Variants in TRAPPC11 observed in about 807,000 individuals in gnomAD.
TRAPPC11 encodes the protein foie gras homolog.
A neutral mutation model predicts 151.2 loss-of-function variants in TRAPPC11; 104 were observed. That is an observed-to-expected ratio of 0.69 (90% CI 0.59 to 0.81). TRAPPC11 has a LOEUF of 0.81. Ranked by LOEUF, TRAPPC11 falls within the 30% of genes least tolerant of loss-of-function variation. The pLI, the probability that TRAPPC11 is intolerant of heterozygous loss-of-function variation, is 0.00. For missense variants in TRAPPC11, 1,230 were observed against 1,349.6 expected (o/e 0.91, Z 1.39); for synonymous variants, 456 against 472.3 (o/e 0.97, Z 0.45).
intron 1 of TRAPPC11, among the ~76,000 whole-genome samples, chr4:183,660,336 T>C (rs2111268998): frequency 6.6e-6 from 1 of 152,326 alleles, no homozygotes; most frequent in South Asian, 2.1e-4. Context: ...CTAGTCTGAA[T>C]TGAGATGTGC....
chr4:183,707,395 C>CA lies in TRAPPC11; in HGVS notation c.3189+456dup, dbSNP rs369446521. Among the ~76,000 whole-genome samples the CA allele has an allele frequency of 2.4e-3, 365 of 152,090 alleles. 1 individual carries two copies. Among genetic ancestry groups the CA allele is most frequent in the African/African-American group, 8.4e-3 (347 of 41,508 alleles). Reference sequence around the variant, plus strand: ...ACTTAACCTTTCGTGTGTTTAGATACATTTTGTTTCTATACTTTAAATTAT... The same window carrying CA: ...ACTTAACCTTTCGTGTGTTTAGATACAATTTTGTTTCTATACTTTAAATTAT... On this transcript the variant is annotated intron_variant, in intron 28 of 29. Transcript: ENST00000334690.
At chr4:183,661,372 T>C (rs1734509172) in intron 1 of TRAPPC11, among the ~76,000 whole-genome samples, 2 of 136,664 alleles carry the variant, frequency 1.5e-5, no homozygotes, top group Non-Finnish European at 1.6e-5. Context: ...TTTTTTTTTT[T>C]TTTTTTTTTT....
chr4:183,668,247 G>A, intron 5 of TRAPPC11, 130 bp downstream of exon 5: 1 of 510,412 alleles, frequency 2.0e-6, no homozygotes. Flanking sequence ...GAGGCTATGG[G>A]GTAAAAATAA....
chr4:183,712,848 A>G lies in TRAPPC11; in HGVS notation c.*204A>G, dbSNP rs1454425340. ...ATAGTTTCTCTAATAAATATCTGAA[A>G]TCTCAGTACGACATGAAAGAATGTC... On this transcript the variant is annotated 3_prime_UTR_variant, in exon 30 of 30. Coordinates refer to ENST00000334690, the MANE Select transcript of TRAPPC11 (RefSeq NM_021942.6). 4.1e-6 allele frequency: 2 copies of G among 488,262 alleles called. No homozygotes were observed. Among genetic ancestry groups the G allele is most frequent in the Non-Finnish European group, 7.2e-6 (2 of 277,268 alleles). The allele number at this position is 488,262 out of a possible 1,614,324, so 30.2% of individuals were successfully genotyped here. A position where few individuals can be genotyped will look rare whatever the true frequency, so the allele number is the denominator to read the frequency against.
Position 183,694,001 on chromosome 4 carries a change from C to T in TRAPPC11, c.2471C>T (p.Thr824Ile). 2 of 1,614,030 alleles carry T rather than the reference C, an allele frequency of 1.2e-6. No homozygotes were observed. The highest frequency in any genetic ancestry group is 1.7e-6 in the Non-Finnish European group (2 of 1,179,876). The change falls in exon 22 of 30, where the codon ACT becomes ATT. Residue 824 changes from threonine (T) to isoleucine (I), a missense_variant. By Grantham distance (89) the Thr-to-Ile change is moderately conservative (BLOSUM62 -1). Coordinates refer to ENST00000334690, the MANE Select transcript of TRAPPC11 (RefSeq NM_021942.6). ...GATGAATCCTACCCGGCTTTACTCACTGACATTCCTGTTGGAGACTTACAT... is the reference window on the plus strand; with the variant it reads ...GATGAATCCTACCCGGCTTTACTCATTGACATTCCTGTTGGAGACTTACAT... ...LCDESYPALL[T>I]DIPVGDLHPG...
intron 4 of TRAPPC11, 73 bp from the exon 5 acceptor site, chr4:183,667,930 T>G (rs1734963231): frequency 2.9e-6 from 3 of 1,044,110 alleles, no homozygotes; most frequent in Non-Finnish European, 3.0e-6. Flanking sequence ...TTTTCAGACT[T>G]GGGGAAATAT....
intron 1 of TRAPPC11, among the ~76,000 whole-genome samples, chr4:183,660,749 T>G (rs1734441783): frequency 6.6e-6 from 1 of 152,248 alleles, no homozygotes; most frequent in Non-Finnish European, 1.5e-5. Context: ...AGTCTTGCTC[T>G]GTTGCCCAGG....
chr4:183,663,760 CAG>C (rs1300459440), intron 1 of TRAPPC11, 85 bp from the exon 2 acceptor site: 1 of 156,954 alleles, frequency 6.4e-6, no homozygotes, highest in Non-Finnish European at 1.2e-5. Context: ...TTTTTTGAGA[CAG>C]AGTTTTGCTC....
In TRAPPC11 at chr4:183,679,838, C is replaced by G. The variant is rs1430690744; in HGVS notation, c.966-282C>G. 2.0e-5 allele frequency among the ~76,000 whole-genome samples: 3 copies of G among 152,030 alleles called. No individual in the cohort carries two copies. In the East Asian group the frequency reaches 5.8e-4, roughly 29 times the overall value. ...GCTAAAATGAAATTGTTCCCAGAAACTTGGGTGTATTTATTTGAGTGGTAG... is the reference window on the plus strand; with the variant it reads ...GCTAAAATGAAATTGTTCCCAGAAAGTTGGGTGTATTTATTTGAGTGGTAG... On this transcript the variant is annotated intron_variant, in intron 9 of 29. Transcript: ENST00000334690.
intron 2 of TRAPPC11, among the ~76,000 whole-genome samples, chr4:183,665,093 T>TC (rs1321000893): frequency 2.9e-5 from 4 of 137,524 alleles, no homozygotes. Flanking sequence ...TTTTCTTTCT[T>TC]TTTTTTTTTT....
At chr4:183,659,578 T>A (rs2111265362) in intron 1 of TRAPPC11, 131 bp downstream of exon 1, 1 of 152,400 alleles carries the variant, frequency 6.6e-6, no homozygotes, top group Middle Eastern at 3.4e-3. Flanking sequence ...CACTTCTCTT[T>A]TAGACCCGAG....
At chr4:183,681,252 T>C (rs574015215) in intron 10 of TRAPPC11, among the ~76,000 whole-genome samples, 1 of 152,162 alleles carries the variant, frequency 6.6e-6, no homozygotes, top group African/African-American at 2.4e-5. Context: ...TTTAAAACTG[T>C]TCCAAAAACG....
intron 4 of TRAPPC11, 134 bp downstream of exon 4, chr4:183,667,264 C>A: frequency 1.6e-6 from 1 of 619,100 alleles, no homozygotes; most frequent in Non-Finnish European, 2.9e-6. Flanking sequence ...CTTTAAAAAG[C>A]ACCAATGATA....
chr4:183,675,773 A>T (rs1419738426), intron 7 of TRAPPC11: 4 of 152,184 alleles, frequency 2.6e-5, no homozygotes, highest in Non-Finnish European at 5.9e-5. Flanking sequence ...TCAATTTTTT[A>T]AATTAAATTT....
intron 20 of TRAPPC11, among the ~76,000 whole-genome samples, 156 bp downstream of exon 20, chr4:183,693,303 C>T (rs1277542001): frequency 3.9e-5 from 6 of 152,154 alleles, no homozygotes; most frequent in Non-Finnish European, 8.8e-5. Context: ...ACCATCCTCC[C>T]ACCTCAGGCG....
intron 1 of TRAPPC11, 34 bp from the exon 2 acceptor site, chr4:183,663,813 A>G (rs1734692751): frequency 3.5e-6 from 5 of 1,419,514 alleles, no homozygotes; most frequent in Non-Finnish European, 4.9e-6. Context: ...GTTTTTAAAA[A>G]TTAATTATGA....
chr4:183,661,952 A>G (rs1251941518), intron 1 of TRAPPC11, among the ~76,000 whole-genome samples: 1 of 151,652 alleles, frequency 6.6e-6, no homozygotes, highest in African/African-American at 2.4e-5. Context: ...TCTTTTAGAG[A>G]CAGGATCTCA....
chr4:183,675,646 T>G (rs1442343012), intron 7 of TRAPPC11: 1 of 152,992 alleles, frequency 6.5e-6, no homozygotes, highest in African/African-American at 2.4e-5. Flanking sequence ...CATGTCATCC[T>G]TGCGCAGGAG....
At chr4:183,661,387 G>C (rs372723820) in intron 1 of TRAPPC11, among the ~76,000 whole-genome samples, 1 of 12,428 alleles carries the variant, frequency 8.0e-5, no homozygotes, top group East Asian at 2.8e-3. Flanking sequence ...TTTTTTTTTT[G>C]AGACGGAGTC....
Sources: allele counts gnomAD v4.1 joint callset (sites outside exome capture counted in the v4.1 genomes callset), GRCh38; gene constraint gnomAD v4.1.1; transcripts MANE v1.5; gene names NCBI Gene and HGNC (gene_info 2026-07-23, HGNC 2026-07-21).